Variants in GRID2 observed in about 807,000 individuals in gnomAD.
The protein encoded by GRID2 is glutamate ionotropic receptor delta type subunit 2.
Under a neutral mutation model 114.8 loss-of-function variants are expected in GRID2, and 33 were observed. That is an observed-to-expected ratio of 0.29 (90% CI 0.22 to 0.38). GRID2 has a LOEUF of 0.38. Ranked by LOEUF, GRID2 falls within the 10% of genes least tolerant of loss-of-function variation. The probability of loss-of-function intolerance (pLI) is 1.00; values close to 1 mark genes in which losing one functional copy is unlikely to be tolerated. For missense variants in GRID2, 1,184 were observed against 1,257.7 expected (o/e 0.94, Z 0.89); for synonymous variants, 505 against 449.9 (o/e 1.12, Z -1.55).
intron 1 of GRID2, among the ~76,000 whole-genome samples, chr4:92,547,167 T>A (rs1449536194): frequency 6.6e-6 from 1 of 152,318 alleles, no homozygotes; most frequent in East Asian, 1.9e-4. Flanking sequence ...ACAATGTTTC[T>A]AATGAGCTAT....
chr4:92,379,912 A>G (rs1729533155), intron 1 of GRID2, among the ~76,000 whole-genome samples: 1 of 152,048 alleles, frequency 6.6e-6, no homozygotes, highest in African/African-American at 2.4e-5. Flanking sequence ...CCTGTGGTAT[A>G]GCTGTAGAGG....
chr4:93,510,836 A>T (rs1454303981), intron 12 of GRID2, among the ~76,000 whole-genome samples: 2 of 152,214 alleles, frequency 1.3e-5, no homozygotes, highest in African/African-American at 4.8e-5. Context: ...TTTGACAGAT[A>T]TGCTTGACTT....
At chr4:92,933,665 C>T (rs1227616961) in intron 2 of GRID2, among the ~76,000 whole-genome samples, 1 of 151,546 alleles carries the variant, frequency 6.6e-6, no homozygotes, top group African/African-American at 2.4e-5. Flanking sequence ...TAACTTTTCC[C>T]TCCACTCGGT....
intron 2 of GRID2, among the ~76,000 whole-genome samples, chr4:93,002,778 C>T (rs564505088): frequency 4.6e-5 from 7 of 151,834 alleles, no homozygotes; most frequent in Admixed American, 2.6e-4. Flanking sequence ...TGGCATAAAA[C>T]AGTGCTTTAT....
intron 1 of GRID2, among the ~76,000 whole-genome samples, chr4:92,585,382 G>A (rs1165348420): frequency 6.6e-6 from 1 of 151,964 alleles, no homozygotes; most frequent in Admixed American, 6.6e-5. Flanking sequence ...TGAGTAAAGA[G>A]ATTAAAAAGT....
At chr4:92,949,694 A>T (rs1314861927) in intron 2 of GRID2, among the ~76,000 whole-genome samples, 1 of 151,770 alleles carries the variant, frequency 6.6e-6, no homozygotes, top group Admixed American at 6.6e-5. Flanking sequence ...GCACTCAATG[A>T]GGTCAAATAT....
intron 9 of GRID2, 65 bp from the exon 10 acceptor site, chr4:93,422,706 A>C: frequency 1.0e-6 from 1 of 980,984 alleles, no homozygotes. Flanking sequence ...CTCTTTAAAG[A>C]ATTAATCTTT....
intron 1 of GRID2, among the ~76,000 whole-genome samples, chr4:92,332,431 TAA>T (rs970570481): frequency 1.3e-5 from 2 of 152,144 alleles, no homozygotes; most frequent in African/African-American, 4.8e-5. Flanking sequence ...CACTGGGGAA[TAA>T]GTTTCCAACA....
At chr4:93,506,165 C>A (rs1018735431) in intron 12 of GRID2, among the ~76,000 whole-genome samples, 1 of 152,182 alleles carries the variant, frequency 6.6e-6, no homozygotes. Flanking sequence ...TTCCCAAGGG[C>A]ATCTACTTTA....
chr4:92,658,827 AC>A (rs1732382194), intron 2 of GRID2, among the ~76,000 whole-genome samples: 2 of 132,266 alleles, frequency 1.5e-5, no homozygotes, highest in South Asian at 2.8e-4. Context: ...ATACACACAC[AC>A]AATCACATTC....
At chr4:93,194,044 C>T (rs1372984794) in intron 4 of GRID2, among the ~76,000 whole-genome samples, 1 of 152,130 alleles carries the variant, frequency 6.6e-6, no homozygotes, top group Non-Finnish European at 1.5e-5. Context: ...TTGAAGCAAG[C>T]TTTGACAAGT....
chr4:93,082,808 G>A (rs1410753201), intron 2 of GRID2, among the ~76,000 whole-genome samples: 1 of 152,108 alleles, frequency 6.6e-6, no homozygotes, highest in African/African-American at 2.4e-5. Flanking sequence ...AAATTAACTG[G>A]TTTTAGTATC....
chr4:92,325,805 T>C (rs1473141419), intron 1 of GRID2, among the ~76,000 whole-genome samples: 1 of 151,886 alleles, frequency 6.6e-6, no homozygotes, highest in African/African-American at 2.4e-5. Flanking sequence ...TTTATACTTT[T>C]ATATCTTTAA....
At chr4:93,128,315 A>C (rs976781605) in intron 4 of GRID2, among the ~76,000 whole-genome samples, 2 of 152,212 alleles carry the variant, frequency 1.3e-5, no homozygotes, top group Non-Finnish European at 2.9e-5. Flanking sequence ...TTTTGGATTA[A>C]ATGGATTAAT....
chr4:92,710,477 C>T (rs1236615744), intron 2 of GRID2, among the ~76,000 whole-genome samples: 1 of 152,186 alleles, frequency 6.6e-6, no homozygotes, highest in Non-Finnish European at 1.5e-5. Context: ...TTTCTTCTAT[C>T]AGATAAACTA....
intron 8 of GRID2, among the ~76,000 whole-genome samples, chr4:93,368,382 A>G (rs757073835): frequency 6.7e-6 from 1 of 148,516 alleles, no homozygotes; most frequent in Non-Finnish European, 1.5e-5. Context: ...CTATGGGGAT[A>G]TAGTAAGACT....
chr4:93,598,714 T>C (rs915252202), intron 13 of GRID2, among the ~76,000 whole-genome samples: 56 of 152,336 alleles, frequency 3.7e-4, no homozygotes, highest in African/African-American at 1.3e-3. Context: ...TGAAGGAGAA[T>C]GCACCTCTAG....
At chr4:92,623,365 A>G (rs79571794) in intron 2 of GRID2, among the ~76,000 whole-genome samples, 1 of 135,688 alleles carries the variant, frequency 7.4e-6, no homozygotes, top group African/African-American at 3.2e-5. Context: ...AAGTAAGTAC[A>G]AAAAAAAAAA....
intron 2 of GRID2, among the ~76,000 whole-genome samples, chr4:92,934,792 A>T (rs1750529801): frequency 6.8e-6 from 1 of 147,086 alleles, no homozygotes; most frequent in Non-Finnish European, 1.5e-5. Context: ...TGGGGAAAGG[A>T]TTCCCTATTT....
Sources: gnomAD v4.1 joint callset for allele counts (sites outside exome capture counted in the v4.1 genomes callset) on GRCh38, gnomAD v4.1.1 for gene constraint, MANE v1.5 for transcripts, NCBI Gene and HGNC (gene_info 2026-07-23, HGNC 2026-07-21) for gene names.